The following PTPRD variants were observed in gnomAD, a reference collection of about 807,000 sequenced individuals.
PTPRD encodes the protein receptor-type tyrosine-protein phosphatase delta.
A neutral mutation model predicts 214.5 loss-of-function variants in PTPRD; 34 were observed. The observed-to-expected ratio is 0.16, with a 90% CI of 0.12 to 0.21. PTPRD has a LOEUF of 0.21. Ranked by LOEUF, PTPRD falls within the 10% of genes least tolerant of loss-of-function variation. The pLI, the probability that PTPRD is intolerant of heterozygous loss-of-function variation, is 1.00. For missense variants in PTPRD, 2,545 were observed against 2,398.7 expected (o/e 1.06, Z -1.27); for synonymous variants, 1,128 against 845.7 (o/e 1.33, Z -5.79).
chr9:9,559,171 G>T lies in PTPRD; in HGVS notation c.-237+15561C>A, dbSNP rs568663762. Among the ~76,000 whole-genome samples, 44 of 151,798 alleles carry T rather than the reference G, an allele frequency of 2.9e-4. 1 individual carries two copies. Among genetic ancestry groups the T allele is most frequent in the Middle Eastern group, 6.9e-3 (2 of 288 alleles). The stretch of plus-strand genomic sequence containing the variant: ...GTTACTAACTGCTTCCCAGTCTGGG[G>T]CGTGGTTACCCATCAACACACCCAT... On this transcript the variant is annotated intron_variant, in intron 8 of 45. Coordinates refer to ENST00000381196, the MANE Select transcript of PTPRD (RefSeq NM_002839.4).
intron 35 of PTPRD, among the ~76,000 whole-genome samples, chr9:8,433,285 A>G (rs1265233630): frequency 6.6e-6 from 1 of 152,246 alleles, no homozygotes; most frequent in African/African-American, 2.4e-5. Context: ...CAGTCACATA[A>G]AAGTCAGGCA....
chr9:8,710,182 T>C (rs1163357164), intron 12 of PTPRD, among the ~76,000 whole-genome samples: 1 of 152,216 alleles, frequency 6.6e-6, no homozygotes, highest in African/African-American at 2.4e-5. Context: ...TAGTGGACCA[T>C]ATATGCTCCT....
chr9:9,277,010 A>G (rs1945907226), intron 9 of PTPRD, among the ~76,000 whole-genome samples: 1 of 151,284 alleles, frequency 6.6e-6, no homozygotes, highest in East Asian at 2.0e-4. Context: ...CAAGAAAAGT[A>G]GAGCACCCCT....
intron 2 of PTPRD, among the ~76,000 whole-genome samples, chr9:10,508,260 C>T (rs1282943493): frequency 1.3e-5 from 2 of 152,080 alleles, no homozygotes; most frequent in Admixed American, 1.3e-4. Context: ...CATCTCACAC[C>T]AGTTAGAATG....
intron 4 of PTPRD, among the ~76,000 whole-genome samples, chr9:9,961,353 T>C (rs62536922): frequency 1.3e-5 from 2 of 152,100 alleles, no homozygotes; most frequent in Non-Finnish European, 1.5e-5. Flanking sequence ...AGGCAATGTA[T>C]TTGCTGAAAC....
chr9:10,016,386 T>TAGGTAGAC (rs1467851929), intron 4 of PTPRD, among the ~76,000 whole-genome samples: 3 of 135,140 alleles, frequency 2.2e-5, no homozygotes, highest in Non-Finnish European at 4.8e-5. Flanking sequence ...GATAGATAGA[T>TAGGTAGAC]AGATAGATAG....
At chr9:9,394,677 TA>T (rs2067092733) in intron 9 of PTPRD, among the ~76,000 whole-genome samples, 1 of 152,132 alleles carries the variant, frequency 6.6e-6, no homozygotes. Flanking sequence ...TATCTTGTTA[TA>T]TTGAGCTCTA....
chr9:8,803,575 A>G (rs979337493), intron 11 of PTPRD, among the ~76,000 whole-genome samples: 6 of 152,122 alleles, frequency 3.9e-5, no homozygotes, highest in African/African-American at 1.2e-4. Context: ...TCTACAAAAA[A>G]TTAAAAAATT....
chr9:8,982,776 G>T (rs1252099111), intron 11 of PTPRD, among the ~76,000 whole-genome samples: 2 of 151,836 alleles, frequency 1.3e-5, no homozygotes, highest in Non-Finnish European at 2.9e-5. Context: ...TATAAATATA[G>T]CTAAATATTA....
chr9:8,496,171 A>AACACACACAC (rs566859758), intron 26 of PTPRD, among the ~76,000 whole-genome samples: 8 of 135,096 alleles, frequency 5.9e-5, no homozygotes, highest in African/African-American at 1.6e-4. Context: ...CCAACTCTCC[A>AACACACACAC]ACACACACAC....
Position 9,658,104 on chromosome 9 carries a change from ATTTT to A in PTPRD, c.-287+76425_-287+76428del, listed in dbSNP as rs530137384. ...TTCTATGTATTACAGGTGCTGTTTT[ATTTT>A]TTTTATTTAATGAGAGTAATGTCAG... On this transcript the variant is annotated intron_variant, in intron 7 of 45. Coordinates refer to ENST00000381196, the MANE Select transcript of PTPRD (RefSeq NM_002839.4). 1.3e-4 allele frequency among the ~76,000 whole-genome samples: 19 copies of A among 151,882 alleles called. No homozygotes were observed. In the South Asian group the frequency reaches 3.9e-3, roughly 31 times the overall value.
intron 34 of PTPRD, chr9:8,437,249 AAATG>A (rs2095389203): frequency 6.6e-7 from 1 of 1,517,102 alleles, no homozygotes; most frequent in Non-Finnish European, 8.8e-7. Flanking sequence ...CCTGCAAAGG[AAATG>A]ATGGTGTAAA....
intron 4 of PTPRD, among the ~76,000 whole-genome samples, chr9:10,003,827 C>A (rs111993901): frequency 3.3e-5 from 5 of 151,770 alleles, no homozygotes; most frequent in African/African-American, 7.2e-5. Flanking sequence ...AATTAAATTT[C>A]AAATTCTAAA....
intron 11 of PTPRD, among the ~76,000 whole-genome samples, chr9:8,954,449 T>C (rs1364120301): frequency 1.3e-5 from 2 of 151,466 alleles, no homozygotes; most frequent in African/African-American, 4.8e-5. Flanking sequence ...CATCACAAAA[T>C]ATACCTTTGT....
At chr9:9,800,850 A>G (rs1051714965) in intron 5 of PTPRD, among the ~76,000 whole-genome samples, 1 of 152,182 alleles carries the variant, frequency 6.6e-6, no homozygotes, top group African/African-American at 2.4e-5. Context: ...AAGCTTGTAA[A>G]ACAACAGCCA....
At chr9:9,711,093 C>T (rs551023746) in intron 7 of PTPRD, among the ~76,000 whole-genome samples, 1 of 152,202 alleles carries the variant, frequency 6.6e-6, no homozygotes, top group South Asian at 2.1e-4. Flanking sequence ...AGGATCAGGC[C>T]ATGCGAGACC....
intron 3 of PTPRD, among the ~76,000 whole-genome samples, chr9:10,113,889 G>T (rs992545518): frequency 6.6e-6 from 1 of 152,154 alleles, no homozygotes; most frequent in African/African-American, 2.4e-5. Flanking sequence ...AGACTCAGCT[G>T]TCTAGGATAC....
At chr9:9,460,545 G>A (rs746564850) in intron 8 of PTPRD, among the ~76,000 whole-genome samples, 10 of 151,874 alleles carry the variant, frequency 6.6e-5, no homozygotes, top group Non-Finnish European at 1.2e-4. Context: ...CTTCTCAAAA[G>A]GACATAAAAA....
chr9:9,615,451 T>C (rs1485259641), intron 7 of PTPRD, among the ~76,000 whole-genome samples: 1 of 152,202 alleles, frequency 6.6e-6, no homozygotes, highest in Non-Finnish European at 1.5e-5. Context: ...AAACCATGTC[T>C]TCTCCAAGGG....
Sources: allele counts gnomAD v4.1 joint callset (sites outside exome capture counted in the v4.1 genomes callset), GRCh38; gene constraint gnomAD v4.1.1; transcripts MANE v1.5; gene names NCBI Gene and HGNC (gene_info 2026-07-23, HGNC 2026-07-21).